The following RCAN2 variants were observed in gnomAD, a reference collection of about 807,000 sequenced individuals.
RCAN2 encodes the protein calcipressin-2.
In RCAN2, 9 loss-of-function variants were observed where a neutral mutation model predicts 23.6. That is an observed-to-expected ratio of 0.38 (90% CI 0.23 to 0.67). The LOEUF is 0.67. RCAN2 is among the 30% of genes least tolerant of loss of function. RCAN2 has a pLI of 0.51. For synonymous variants in RCAN2, 109 were observed against 115.7 expected (o/e 0.94, Z 0.37); for missense variants, 273 against 302.3 (o/e 0.90, Z 0.72).
At chr6:46,280,748 A>C (rs1405660795) in intron 2 of RCAN2, among the ~76,000 whole-genome samples, 1 of 152,160 alleles carries the variant, frequency 6.6e-6, no homozygotes, top group Non-Finnish European at 1.5e-5. Context: ...TGTGCCATCC[A>C]TTCCTTCTCC....
intron 1 of RCAN2, among the ~76,000 whole-genome samples, chr6:46,460,277 G>T (rs1195378084): frequency 6.6e-6 from 1 of 152,028 alleles, no homozygotes; most frequent in East Asian, 1.9e-4. Flanking sequence ...GCCCAAACTG[G>T]TCTCCAACTC....
chr6:46,410,287 C>CA (rs775709445), intron 2 of RCAN2, among the ~76,000 whole-genome samples: 15 of 152,316 alleles, frequency 9.8e-5, no homozygotes, highest in Admixed American at 7.2e-4. Flanking sequence ...TAGCCTTCAT[C>CA]ATTGCTAAGC....
At chr6:46,304,588 A>G (rs748117178) in intron 2 of RCAN2, among the ~76,000 whole-genome samples, 9 of 152,104 alleles carry the variant, frequency 5.9e-5, no homozygotes, top group Non-Finnish European at 1.3e-4. Context: ...GCTGACAATT[A>G]AGCTTTCTTC....
chr6:46,401,148 T>G (rs1237239005), intron 2 of RCAN2, among the ~76,000 whole-genome samples: 1 of 152,158 alleles, frequency 6.6e-6, no homozygotes, highest in African/African-American at 2.4e-5. Flanking sequence ...GGGTTGAACA[T>G]TCTGGGAAAG....
intron 2 of RCAN2, among the ~76,000 whole-genome samples, chr6:46,279,322 C>T (rs1767823032): frequency 1.3e-5 from 2 of 152,142 alleles, no homozygotes; most frequent in African/African-American, 4.8e-5. Context: ...GCCCAATTGT[C>T]TCCTTCTTTT....
intron 2 of RCAN2, among the ~76,000 whole-genome samples, chr6:46,455,545 T>C (rs948153343): frequency 8.6e-5 from 13 of 151,600 alleles, no homozygotes; most frequent in Admixed American, 6.6e-5. Context: ...CACAGAGTCA[T>C]ATACTTTAGT....
intron 1 of RCAN2, among the ~76,000 whole-genome samples, chr6:46,486,404 T>A (rs577786370): frequency 6.6e-6 from 1 of 152,198 alleles, no homozygotes; most frequent in African/African-American, 2.4e-5. Flanking sequence ...CAAGGTCACA[T>A]AGCAGGGAAA....
At chr6:46,375,930 A>G (rs1204888213) in intron 2 of RCAN2, among the ~76,000 whole-genome samples, 1 of 152,214 alleles carries the variant, frequency 6.6e-6, no homozygotes, top group Non-Finnish European at 1.5e-5. Flanking sequence ...AATGGGCCAC[A>G]GTTTGCCAAT....
chr6:46,333,625 A>G (rs763108928), intron 2 of RCAN2, among the ~76,000 whole-genome samples: 1 of 152,154 alleles, frequency 6.6e-6, no homozygotes, highest in Non-Finnish European at 1.5e-5. Context: ...TTTCTTCCCC[A>G]CCAGCAATTT....
chr6:46,367,021 G>GTATATATATATATATATA (rs1458476806), intron 2 of RCAN2, among the ~76,000 whole-genome samples: 1 of 40,202 alleles, frequency 2.5e-5, no homozygotes, highest in Non-Finnish European at 5.5e-5. Flanking sequence ...TATCTGGGAT[G>GTATATATATATATATATA]GATATATATA....
At chr6:46,466,540 G>T (rs890392448) in intron 1 of RCAN2, among the ~76,000 whole-genome samples, 26 of 151,426 alleles carry the variant, frequency 1.7e-4, no homozygotes, top group Non-Finnish European at 2.5e-4. Context: ...AAGGAGGAAA[G>T]GCAGGGGGAA....
chr6:46,423,531 G>A (rs190829699), intron 2 of RCAN2, among the ~76,000 whole-genome samples: 149 of 152,274 alleles, frequency 9.8e-4, no homozygotes, highest in African/African-American at 3.4e-3. Flanking sequence ...TTATTAGCTC[G>A]AGAATACTGA....
chr6:46,419,943 C>A (rs141381941), intron 2 of RCAN2, among the ~76,000 whole-genome samples: 1 of 152,252 alleles, frequency 6.6e-6, no homozygotes, highest in African/African-American at 2.4e-5. Context: ...GTCATGTAGT[C>A]TTTTTACCCA....
intron 2 of RCAN2, among the ~76,000 whole-genome samples, chr6:46,383,711 G>A (rs781316028): frequency 1.9e-4 from 29 of 152,062 alleles, no homozygotes; most frequent in Non-Finnish European, 3.5e-4. Context: ...GTGCTCAGTT[G>A]CCACATGTGG....
intron 4 of RCAN2, among the ~76,000 whole-genome samples, chr6:46,226,217 C>G (rs368831260): frequency 2.0e-5 from 3 of 152,102 alleles, no homozygotes; most frequent in Admixed American, 2.0e-4. Flanking sequence ...AGTCAGGTAG[C>G]GTGATGCCTC....
chr6:46,299,373 A>C (rs1280345860), intron 2 of RCAN2, among the ~76,000 whole-genome samples: 1 of 152,042 alleles, frequency 6.6e-6, no homozygotes, highest in Non-Finnish European at 1.5e-5. Flanking sequence ...ATAGTTCATG[A>C]CAGAGAATTT....
At chr6:46,320,374 C>T (rs139156458) in intron 2 of RCAN2, among the ~76,000 whole-genome samples, 1 of 152,148 alleles carries the variant, frequency 6.6e-6, no homozygotes, top group Non-Finnish European at 1.5e-5. Flanking sequence ...TCAGCCTCAT[C>T]CTTCTCCTCC....
At chr6:46,418,176 C>CT (rs776410428) in intron 2 of RCAN2, among the ~76,000 whole-genome samples, 33 of 152,134 alleles carry the variant, frequency 2.2e-4, no homozygotes, top group Non-Finnish European at 4.6e-4. Context: ...CTTTAGGTAT[C>CT]TAACGTCCAT....
chr6:46,466,128 A>G (rs1175501917), intron 1 of RCAN2, among the ~76,000 whole-genome samples: 1 of 152,196 alleles, frequency 6.6e-6, no homozygotes, highest in Non-Finnish European at 1.5e-5. Flanking sequence ...GAAGAAGCTT[A>G]AAGAAGGCCC....
Sources: allele counts gnomAD v4.1 joint callset (sites outside exome capture counted in the v4.1 genomes callset), GRCh38; gene constraint gnomAD v4.1.1; transcripts MANE v1.5; gene names NCBI Gene and HGNC (gene_info 2026-07-23, HGNC 2026-07-21).